Variants in ANKS1B observed in about 807,000 individuals in gnomAD.
ANKS1B encodes the protein ankyrin repeat and sterile alpha motif domain containing 1B.
In ANKS1B, 36 loss-of-function variants were observed where a neutral mutation model predicts 148.3. The observed-to-expected ratio is 0.24, with a 90% CI of 0.19 to 0.32. The LOEUF (loss-of-function observed/expected upper bound fraction) is 0.32. Among genes scored for constraint, ANKS1B ranks in the 10% least tolerant of loss-of-function variants. ANKS1B has a pLI of 1.00. For missense variants in ANKS1B, 1,157 were observed against 1,542.6 expected (o/e 0.75, Z 4.19); for synonymous variants, 542 against 560.8 (o/e 0.97, Z 0.47).
At chr12:99,720,018 C>T (rs2057906706) in intron 8 of ANKS1B, among the ~76,000 whole-genome samples, 1 of 152,240 alleles carries the variant, frequency 6.6e-6, no homozygotes, top group Non-Finnish European at 1.5e-5. Flanking sequence ...ATATCTCCTT[C>T]CAGCCTCACA....
At chr12:99,231,907 T>C (rs937453815) in intron 14 of ANKS1B, among the ~76,000 whole-genome samples, 5 of 152,056 alleles carry the variant, frequency 3.3e-5, no homozygotes, top group Non-Finnish European at 5.9e-5. Context: ...CTGCCTGTTC[T>C]TGCAGACCCA....
chr12:99,825,993 T>C (rs977748962), intron 1 of ANKS1B, among the ~76,000 whole-genome samples: 1 of 151,100 alleles, frequency 6.6e-6, no homozygotes, highest in African/African-American at 2.4e-5. Context: ...ATTCTGGAGA[T>C]AACATGTAAC....
chr12:99,818,520 G>A (rs1397266996), intron 2 of ANKS1B, among the ~76,000 whole-genome samples: 2 of 151,820 alleles, frequency 1.3e-5, no homozygotes, highest in Non-Finnish European at 2.9e-5. Flanking sequence ...CTGTAAAATA[G>A]CAAGCAGCAA....
chr12:99,723,317 G>A (rs1227373061), intron 8 of ANKS1B, among the ~76,000 whole-genome samples: 1 of 152,184 alleles, frequency 6.6e-6, no homozygotes, highest in Non-Finnish European at 1.5e-5. Flanking sequence ...TCCCCTGCTG[G>A]AGCCAGGAAG....
At chr12:99,458,313 C>G (rs1220864423) in intron 10 of ANKS1B, among the ~76,000 whole-genome samples, 1 of 151,364 alleles carries the variant, frequency 6.6e-6, no homozygotes, top group Admixed American at 6.6e-5. Flanking sequence ...ATGTCTACTT[C>G]AAAACATCTG....
intron 14 of ANKS1B, among the ~76,000 whole-genome samples, chr12:99,184,703 T>A (rs2153867493): frequency 6.6e-6 from 1 of 152,360 alleles, no homozygotes. Context: ...TTGCTTACAA[T>A]GTATCCTCAA....
At chr12:99,134,431 A>G (rs1397093039) in intron 15 of ANKS1B, among the ~76,000 whole-genome samples, 2 of 152,052 alleles carry the variant, frequency 1.3e-5, no homozygotes, top group African/African-American at 4.8e-5. Context: ...AAAGAGCCCA[A>G]GTTGCCCATC....
chr12:99,472,293 T>C (rs2096253854), intron 10 of ANKS1B, among the ~76,000 whole-genome samples: 1 of 152,152 alleles, frequency 6.6e-6, no homozygotes, highest in Admixed American at 6.6e-5. Flanking sequence ...GGTCAGTCAG[T>C]AACTGATGTT....
intron 1 of ANKS1B, among the ~76,000 whole-genome samples, chr12:99,972,999 GT>G (rs2095578877): frequency 6.6e-6 from 1 of 152,198 alleles, no homozygotes; most frequent in Non-Finnish European, 1.5e-5. Flanking sequence ...CAGCACATCT[GT>G]TTGTAGCATG....
intron 17 of ANKS1B, among the ~76,000 whole-genome samples, chr12:98,958,364 A>G (rs533566478): frequency 1.2e-3 from 181 of 152,340 alleles, no homozygotes; most frequent in African/African-American, 4.1e-3. Flanking sequence ...ACAGCAATAT[A>G]TCTTAGAGTG....
At chr12:99,462,504 A>T (rs1045011227) in intron 10 of ANKS1B, among the ~76,000 whole-genome samples, 4 of 152,160 alleles carry the variant, frequency 2.6e-5, no homozygotes, top group Non-Finnish European at 5.9e-5. Context: ...AATCTCCTGT[A>T]TGCTAACCTA....
At chr12:99,806,744 T>C (rs368979185) in intron 3 of ANKS1B, 44 bp from the exon 4 acceptor site, 2 of 1,559,898 alleles carry the variant, frequency 1.3e-6, no homozygotes, top group Non-Finnish European at 1.8e-6. Flanking sequence ...AGAAATTCAA[T>C]TTGTTATCAA....
At chr12:99,730,800 C>G (rs1309039345) in intron 8 of ANKS1B, among the ~76,000 whole-genome samples, 2 of 152,150 alleles carry the variant, frequency 1.3e-5, no homozygotes, top group Non-Finnish European at 2.9e-5. Flanking sequence ...TCTTGCTGTT[C>G]TTACCACAAT....
At chr12:99,900,657 T>C (rs2093568686) in intron 1 of ANKS1B, among the ~76,000 whole-genome samples, 1 of 152,060 alleles carries the variant, frequency 6.6e-6, no homozygotes, top group Non-Finnish European at 1.5e-5. Flanking sequence ...GATTACATTA[T>C]CCCCACATTA....
At chr12:99,359,983 G>A (rs533302927) in intron 12 of ANKS1B, among the ~76,000 whole-genome samples, 55 of 152,230 alleles carry the variant, frequency 3.6e-4, no homozygotes, top group African/African-American at 1.2e-3. Flanking sequence ...ATACAGCTCA[G>A]TTTAAACAGT....
intron 24 of ANKS1B, among the ~76,000 whole-genome samples, chr12:98,773,655 C>G (rs2098630557): frequency 6.6e-6 from 1 of 152,154 alleles, no homozygotes; most frequent in African/African-American, 2.4e-5. Context: ...GGGTTTACAC[C>G]ATGTTGGCCA....
intron 10 of ANKS1B, among the ~76,000 whole-genome samples, chr12:99,455,575 C>A (rs527484739): frequency 2.2e-4 from 33 of 152,104 alleles, no homozygotes; most frequent in Admixed American, 6.5e-4. Context: ...GTTGGCAGGG[C>A]ACAGTGGGAA....
At position 98,829,047 on chromosome 12, in the gene ANKS1B, G is replaced by A. The variant is rs1037753645; in HGVS notation, c.3066+127C>T. ...TTCAGATGAGCAAGGAATGAAAGGCGGGGCATAACATGGTATAAATTCTAG... is the reference window on the plus strand; with the variant it reads ...TTCAGATGAGCAAGGAATGAAAGGCAGGGCATAACATGGTATAAATTCTAG... On this transcript the variant is annotated intron_variant, in intron 19 of 26. Coordinates refer to ENST00000683438, the MANE Select transcript of ANKS1B (RefSeq NM_001352186.2). This position sits in a 1 kb window ranked among gnomAD's most constrained non-coding sequence, Gnocchi z 5.2. The A allele has an allele frequency of 1.5e-5, 16 of 1,068,966 alleles. No homozygotes were observed. The South Asian group carries it at 1.5e-4, about 10-fold the overall frequency. 66.2% of individuals were successfully genotyped at this position (1,068,966 alleles called of 1,614,324 possible).
intron 1 of ANKS1B, among the ~76,000 whole-genome samples, chr12:99,883,222 T>C (rs1201025186): frequency 1.3e-5 from 2 of 152,246 alleles, no homozygotes; most frequent in East Asian, 3.9e-4. Flanking sequence ...AGTCCAAAAC[T>C]AGGCCTACAA....
Sources: gnomAD v4.1 joint callset for allele counts (sites outside exome capture counted in the v4.1 genomes callset) on GRCh38, gnomAD v4.1.1 for gene constraint, Gnocchi (gnomAD v3.1) non-coding constraint, MANE v1.5 for transcripts, NCBI Gene and HGNC (gene_info 2026-07-23, HGNC 2026-07-21) for gene names.